Variants in ARHGEF10L observed in about 807,000 individuals in gnomAD.
The protein encoded by ARHGEF10L is rho guanine nucleotide exchange factor 10-like protein.
ARHGEF10L carries 69 observed loss-of-function variants against 141.2 expected under a neutral mutation model. The observed-to-expected ratio is 0.49, with a 90% CI of 0.40 to 0.60. The LOEUF (loss-of-function observed/expected upper bound fraction) is 0.60, where lower values mean the gene tolerates loss of function less well. Among genes scored for constraint, ARHGEF10L ranks in the 20% least tolerant of loss-of-function variants. The pLI is 0.00. For missense variants in ARHGEF10L, 1,482 were observed against 1,734.3 expected (o/e 0.85, Z 2.58); for synonymous variants, 711 against 718.5 (o/e 0.99, Z 0.17).
At chr1:17,533,305 G>C in the ARHGEF10L span, among the ~76,000 whole-genome samples, 1 of 152,188 alleles carries the variant, frequency 6.6e-6, no homozygotes, top group Non-Finnish European at 1.5e-5. Flanking sequence ...CTGGTGTTTA[G>C]AGAGTGCTAT....
At chr1:17,560,041 C>A (rs2077485613) in intron 1 of ARHGEF10L, among the ~76,000 whole-genome samples, 1 of 152,144 alleles carries the variant, frequency 6.6e-6, no homozygotes, top group African/African-American at 2.4e-5. Context: ...CAAATGCAAA[C>A]CTGTTTGGGC....
At chr1:17,666,305 G>T (rs1316574895) in intron 26 of ARHGEF10L, among the ~76,000 whole-genome samples, 3 of 152,222 alleles carry the variant, frequency 2.0e-5, no homozygotes, top group African/African-American at 7.2e-5. Flanking sequence ...GCCAGCCCAG[G>T]AGATAATTGA....
intron 21 of ARHGEF10L, among the ~76,000 whole-genome samples, chr1:17,647,907 G>C (rs866645718): frequency 2.0e-5 from 3 of 152,246 alleles, no homozygotes; most frequent in Middle Eastern, 3.4e-3. Flanking sequence ...CCTGGGTCTG[G>C]GGTCGGGTTA....
chr1:17,587,451 C>T lies in ARHGEF10L; in HGVS notation c.38-9C>T, dbSNP rs767919605. 1.2e-6 allele frequency: 2 copies of T among 1,610,348 alleles called. No homozygotes were observed. Among genetic ancestry groups the T allele is most frequent in the Non-Finnish European group, 8.5e-7 (1 of 1,178,352 alleles). ...TCCTGCAGCCTGGCCAACTCCTTCT[C>T]TCTTCCAGGAGATCAGCTGGTTCCA... On this transcript the variant is annotated splice_polypyrimidine_tract_variant and intron_variant, in intron 2 of 28. Coordinates refer to ENST00000361221, the MANE Select transcript of ARHGEF10L (RefSeq NM_018125.4).
At chr1:17,643,154 C>G (rs550816963) in intron 21 of ARHGEF10L, among the ~76,000 whole-genome samples, 5 of 152,162 alleles carry the variant, frequency 3.3e-5, no homozygotes, top group African/African-American at 1.2e-4. Context: ...TCTGCAGTGG[C>G]TGGTTTGGGA....
At chr1:17,628,128 A>G (rs901497966) in intron 15 of ARHGEF10L, among the ~76,000 whole-genome samples, 2 of 152,172 alleles carry the variant, frequency 1.3e-5, no homozygotes, top group African/African-American at 4.8e-5. Flanking sequence ...ACCTGAGGTC[A>G]GGAGTTCGAG....
rs1171108298 is a variant in ARHGEF10L, at chr1:17,625,866, G to A, written c.1318-90G>A. On this transcript the variant is annotated intron_variant, in intron 13 of 28. Coordinates refer to ENST00000361221, the MANE Select transcript of ARHGEF10L (RefSeq NM_018125.4). This position sits in a 1 kb window ranked among gnomAD's most constrained non-coding sequence, Gnocchi z 4.5. ...GGCAGGGTCTTAGGGCCTGGGGAGAGGAGCCCAGAATGGGGACAGTGTCTG... is the reference window on the plus strand; with the variant it reads ...GGCAGGGTCTTAGGGCCTGGGGAGAAGAGCCCAGAATGGGGACAGTGTCTG... 2.2e-5 allele frequency: 25 copies of A among 1,140,564 alleles called. No individual in the cohort carries two copies. Among genetic ancestry groups the A allele is most frequent in the South Asian group, 2.0e-4 (15 of 75,198 alleles). 70.7% of individuals were successfully genotyped at this position (1,140,564 alleles called of 1,614,324 possible).
chr1:17,626,075 A>G (rs756351597), intron 14 of ARHGEF10L, 27 bp downstream of exon 14: 7 of 1,609,142 alleles, frequency 4.4e-6, no homozygotes, highest in African/African-American at 1.3e-5. Flanking sequence ...CAGCAGCTTC[A>G]ACCCACAGGG....
intron 1 of ARHGEF10L, among the ~76,000 whole-genome samples, chr1:17,549,162 A>T (rs1315720965): frequency 6.6e-6 from 1 of 151,544 alleles, no homozygotes; most frequent in Non-Finnish European, 1.5e-5. Flanking sequence ...AGATGGGATT[A>T]CAGGCGCCTG....
At chr1:17,563,216 G>A (rs997557676) in intron 1 of ARHGEF10L, among the ~76,000 whole-genome samples, 2 of 151,644 alleles carry the variant, frequency 1.3e-5, no homozygotes, top group Non-Finnish European at 2.9e-5. Context: ...GGATCAGTAA[G>A]CTTTGTCAGA....
chr1:17,545,834 A>C (rs2076895864), intron 1 of ARHGEF10L, among the ~76,000 whole-genome samples: 1 of 152,066 alleles, frequency 6.6e-6, no homozygotes, highest in Admixed American at 6.5e-5. Context: ...TAGCAGGGGA[A>C]TGGGGTAGGG....
chr1:17,632,766 A>G (rs2060774729), intron 16 of ARHGEF10L, among the ~76,000 whole-genome samples: 1 of 152,220 alleles, frequency 6.6e-6, no homozygotes, highest in African/African-American at 2.4e-5. Context: ...CCACATTGAA[A>G]TTCAAGAGAT....
At chr1:17,575,092 T>C (rs1263257536) in intron 1 of ARHGEF10L, among the ~76,000 whole-genome samples, 4 of 152,166 alleles carry the variant, frequency 2.6e-5, no homozygotes, top group Non-Finnish European at 5.9e-5. Context: ...AGCTGTTGTC[T>C]AGTGTGTACC....
intron 6 of ARHGEF10L, among the ~76,000 whole-genome samples, chr1:17,606,335 C>T (rs975804358): frequency 6.6e-6 from 1 of 151,712 alleles, no homozygotes; most frequent in Non-Finnish European, 1.5e-5. Flanking sequence ...TCTCTGTCAC[C>T]CAGGCTGGAG....
At chr1:17,526,230 G>T in the ARHGEF10L span, among the ~76,000 whole-genome samples, 1 of 152,200 alleles carries the variant, frequency 6.6e-6, no homozygotes, top group East Asian at 1.9e-4. Flanking sequence ...GCACAGGAAT[G>T]CAGGGGAGGT....
At chr1:17,670,179 A>T (rs745663992) in intron 26 of ARHGEF10L, among the ~76,000 whole-genome samples, 33 of 152,250 alleles carry the variant, frequency 2.2e-4, no homozygotes, top group Non-Finnish European at 3.7e-4. Flanking sequence ...TGCCTCCCTG[A>T]GGCCCACATG....
At chr1:17,543,023 G>A (rs1264824800) in intron 1 of ARHGEF10L, among the ~76,000 whole-genome samples, 2 of 152,074 alleles carry the variant, frequency 1.3e-5, no homozygotes, top group Non-Finnish European at 2.9e-5. Flanking sequence ...GAGTTGTTCC[G>A]CCCCATGGTG....
chr1:17,654,491 CACT>C lies in ARHGEF10L; in HGVS notation c.2395-144_2395-142del. ...TGTAGGAACTGCCTGGAGAAGCAGG[CACT>C]CGTGAAGCATGTTGCTTTCCTGGCC... On this transcript the variant is annotated intron_variant, in intron 22 of 28. Transcript: ENST00000361221. The surrounding 1 kb of genome is among the most constrained non-coding windows in gnomAD (Gnocchi z 4.3). 6 of 750,802 alleles carry C rather than the reference CACT, an allele frequency of 8.0e-6. No homozygotes were observed. Among genetic ancestry groups the C allele is most frequent in the Middle Eastern group, 2.4e-4 (1 of 4,244 alleles). 46.5% of individuals were successfully genotyped at this position (750,802 alleles called of 1,614,324 possible). A position where few individuals can be genotyped will look rare whatever the true frequency, so the allele number is the denominator to read the frequency against.
At chr1:17,596,105 A>G (rs79627176) in intron 4 of ARHGEF10L, among the ~76,000 whole-genome samples, 15,842 of 152,258 alleles carry the variant, frequency 0.1, 1,006 homozygotes, top group Non-Finnish European at 0.13. Flanking sequence ...TGCAGCCTGC[A>G]GGGAGCTTAC....
Sources: gnomAD v4.1 joint callset for allele counts (sites outside exome capture counted in the v4.1 genomes callset) on GRCh38, gnomAD v4.1.1 for gene constraint, Gnocchi (gnomAD v3.1) non-coding constraint, MANE v1.5 for transcripts, NCBI Gene and HGNC (gene_info 2026-07-23, HGNC 2026-07-21) for gene names.